The following TIAM2 variants were observed in gnomAD, a reference collection of about 807,000 sequenced individuals.
The protein encoded by TIAM2 is TIAM Rac1 associated GEF 2.
Under a neutral mutation model 152.9 loss-of-function variants are expected in TIAM2, and 80 were observed. The observed-to-expected ratio is 0.52, with a 90% CI of 0.44 to 0.63. The LOEUF (loss-of-function observed/expected upper bound fraction) is 0.63, where lower values mean the gene tolerates loss of function less well. Among genes scored for constraint, TIAM2 ranks in the 30% least tolerant of loss-of-function variants. TIAM2 has a pLI of 0.00. For synonymous variants in TIAM2, 804 were observed against 838.0 expected (o/e 0.96, Z 0.70); for missense variants, 1,965 against 2,120.1 (o/e 0.93, Z 1.44).
chr6:155,132,532 C>T (rs1779471366), intron 4 of TIAM2, among the ~76,000 whole-genome samples: 1 of 152,008 alleles, frequency 6.6e-6, no homozygotes, highest in Non-Finnish European at 1.5e-5. Flanking sequence ...TGATTTTACT[C>T]CTGGATCATC....
chr6:155,088,148 A>AGGTACAAGT (rs1347044555), intron 1 of TIAM2, among the ~76,000 whole-genome samples: 3 of 144,088 alleles, frequency 2.1e-5, no homozygotes, highest in Admixed American at 7.4e-5. Context: ...TCTGCCTCCC[A>AGGTACAAGT]GGTACAAGTG....
chr6:155,161,221 G>C (rs1780260022), intron 7 of TIAM2, among the ~76,000 whole-genome samples: 1 of 116,562 alleles, frequency 8.6e-6, no homozygotes, highest in South Asian at 3.0e-4. Context: ...GTCTCACTCT[G>C]ATAACCCCAG....
intron 2 of TIAM2, among the ~76,000 whole-genome samples, chr6:155,107,885 C>T (rs575727180): frequency 7.2e-5 from 11 of 152,244 alleles, no homozygotes; most frequent in African/African-American, 2.4e-4. Context: ...CAGCAGGGGC[C>T]GAGGAGCCCT....
intron 7 of TIAM2, among the ~76,000 whole-genome samples, chr6:155,150,812 G>A (rs1048762422): frequency 6.6e-5 from 10 of 152,188 alleles, no homozygotes; most frequent in East Asian, 1.9e-4. Flanking sequence ...TTTCCGGGCC[G>A]CGTTTTATAA....
At chr6:155,035,448 TG>T (rs1285877855) in intron 1 of TIAM2, among the ~76,000 whole-genome samples, 6 of 152,100 alleles carry the variant, frequency 3.9e-5, no homozygotes, top group Non-Finnish European at 5.9e-5. Context: ...CTCAAATTCT[TG>T]ACCTCAGACG....
chr6:155,062,585 TC>T (rs200728342), intron 1 of TIAM2, among the ~76,000 whole-genome samples: 19 of 150,242 alleles, frequency 1.3e-4, no homozygotes, highest in African/African-American at 1.7e-4. Context: ...CTTTTTCTTT[TC>T]TTTTTTTTTG....
At chr6:155,194,155 G>C (rs1448455615) in intron 14 of TIAM2, among the ~76,000 whole-genome samples, 1 of 152,178 alleles carries the variant, frequency 6.6e-6, no homozygotes, top group Non-Finnish European at 1.5e-5. Context: ...GGTAGATGAG[G>C]GGGCATAGAG....
chr6:155,208,491 G>T (rs2115206559), intron 14 of TIAM2, among the ~76,000 whole-genome samples: 1 of 152,116 alleles, frequency 6.6e-6, no homozygotes, highest in South Asian at 2.1e-4. Context: ...CTCTGTGAAG[G>T]CCTTTCTGGG....
intron 23 of TIAM2, 122 bp downstream of exon 23, chr6:155,252,125 G>GTAAC: frequency 1.4e-6 from 1 of 700,562 alleles, no homozygotes; most frequent in East Asian, 2.7e-5. Context: ...TACTCTGAGG[G>GTAAC]TAACTAACCC....
chr6:155,200,338 C>T (rs1189997474), intron 14 of TIAM2, among the ~76,000 whole-genome samples: 1 of 152,196 alleles, frequency 6.6e-6, no homozygotes, highest in African/African-American at 2.4e-5. Flanking sequence ...ACCTTGCAAT[C>T]ATGTGGCCAT....
intron 2 of TIAM2, among the ~76,000 whole-genome samples, chr6:155,100,414 A>G (rs149383224): frequency 3.9e-3 from 590 of 152,318 alleles, no homozygotes; most frequent in Non-Finnish European, 6.7e-3. Flanking sequence ...ATTTTGCTTG[A>G]TGGGCAGTGA....
intron 2 of TIAM2, among the ~76,000 whole-genome samples, chr6:155,093,974 G>A (rs190637875): frequency 1.1e-4 from 16 of 152,304 alleles, no homozygotes; most frequent in Admixed American, 9.8e-4. Flanking sequence ...TTGCAGCAGA[G>A]GCTGCAAACT....
intron 2 of TIAM2, among the ~76,000 whole-genome samples, chr6:155,110,496 A>G (rs1259620025): frequency 6.6e-6 from 1 of 152,074 alleles, no homozygotes; most frequent in African/African-American, 2.4e-5. Flanking sequence ...TGTGACCATC[A>G]GCTCTCTGAC....
intron 1 of TIAM2, among the ~76,000 whole-genome samples, chr6:155,025,464 A>C (rs1383578898): frequency 2.0e-5 from 3 of 151,604 alleles, no homozygotes; most frequent in Non-Finnish European, 4.4e-5. Context: ...TACAGGCATG[A>C]GCCACCGCGC....
chr6:155,179,599 C>T, intron 12 of TIAM2, 143 bp downstream of exon 12: 1 of 708,762 alleles, frequency 1.4e-6, no homozygotes, highest in Non-Finnish European at 2.3e-6. Context: ...CCTTTCTCTT[C>T]CTTCATTTCT....
chr6:155,032,498 T>C (rs1023773576), intron 1 of TIAM2, among the ~76,000 whole-genome samples: 6 of 152,290 alleles, frequency 3.9e-5, no homozygotes, highest in Middle Eastern at 3.4e-3. Context: ...GTTTGTGTTC[T>C]TCATCTCTGC....
chr6:155,225,484 G>A (rs1782210801), intron 15 of TIAM2, among the ~76,000 whole-genome samples: 1 of 152,088 alleles, frequency 6.6e-6, no homozygotes, highest in South Asian at 2.1e-4. Flanking sequence ...CTAAGTGTGG[G>A]GCTTTAAAGA....
chr6:155,049,433 G>A (rs1208800222), intron 1 of TIAM2, among the ~76,000 whole-genome samples: 1 of 152,120 alleles, frequency 6.6e-6, no homozygotes, highest in Non-Finnish European at 1.5e-5. Flanking sequence ...GCTCTGTTTA[G>A]TCTCTGTTTT....
At chr6:155,209,938 T>C (rs541356358) in intron 14 of TIAM2, among the ~76,000 whole-genome samples, 47 of 152,346 alleles carry the variant, frequency 3.1e-4, no homozygotes, top group African/African-American at 1.1e-3. Flanking sequence ...GCCCCCATCA[T>C]GCTGGGCAGT....
Sources: allele counts gnomAD v4.1 joint callset (sites outside exome capture counted in the v4.1 genomes callset), GRCh38; gene constraint gnomAD v4.1.1; transcripts MANE v1.5; gene names NCBI Gene and HGNC (gene_info 2026-07-23, HGNC 2026-07-21).